Variants in MYZAP observed in about 807,000 individuals in gnomAD.
MYZAP encodes myocardial zonula adherens protein, also known as GRINL1A complex locus upstream.
Under a neutral mutation model 69.4 loss-of-function variants are expected in MYZAP, and 66 were observed. That is an observed-to-expected ratio of 0.95 (90% CI 0.78 to 1.17). MYZAP has a LOEUF of 1.17. Ranked by LOEUF, MYZAP falls within the 50% of genes most tolerant of loss-of-function variation. MYZAP has a pLI of 0.00. For synonymous variants in MYZAP, 256 were observed against 205.9 expected (o/e 1.24, Z -2.09); for missense variants, 611 against 556.2 (o/e 1.10, Z -0.99).
intron 3 of MYZAP, among the ~76,000 whole-genome samples, chr15:57,620,654 G>A (rs1225709610): frequency 2.0e-5 from 3 of 152,176 alleles, no homozygotes; most frequent in Admixed American, 6.5e-5. Context: ...GCGTGTTATT[G>A]GTGATTACTG....
At chr15:57,619,592 A>C (rs1406900933) in intron 3 of MYZAP, among the ~76,000 whole-genome samples, 1 of 152,126 alleles carries the variant, frequency 6.6e-6, no homozygotes, top group Non-Finnish European at 1.5e-5. Context: ...ACTTAAGTGA[A>C]CCTCCCACCT....
At chr15:57,680,198 C>T (rs1055830817) in intron 12 of MYZAP, among the ~76,000 whole-genome samples, 2 of 152,166 alleles carry the variant, frequency 1.3e-5, no homozygotes, top group Non-Finnish European at 2.9e-5. Context: ...ATATTGCAGT[C>T]ACTTCTGAGT....
chr15:57,608,187 G>A (rs1363860663), intron 2 of MYZAP, among the ~76,000 whole-genome samples: 1 of 152,170 alleles, frequency 6.6e-6, no homozygotes, highest in Non-Finnish European at 1.5e-5. Context: ...GGGCAGCCTG[G>A]GCCTTCCTTA....
intron 2 of MYZAP, among the ~76,000 whole-genome samples, chr15:57,616,830 T>TTTTTTTTTTTTTTTTTC (rs2035492642): frequency 8.0e-6 from 1 of 125,190 alleles, no homozygotes; most frequent in Non-Finnish European, 1.8e-5. Flanking sequence ...TGCTTTTTTT[T>TTTTTTTTTTTTTTTTTC]TTTTTTTTTT....
chr15:57,674,956 T>C lies in MYZAP; in HGVS notation c.1204-12T>C. On this transcript the variant is annotated splice_polypyrimidine_tract_variant and intron_variant, in intron 11 of 12. Transcript: ENST00000267853. The stretch of plus-strand genomic sequence containing the variant: ...TTGACTTACTGAAAGTACCTTTTTT[T>C]CTCATCTCCAGAATAATGAACTACA... 1 of 1,604,146 alleles carries C rather than the reference T, an allele frequency of 6.2e-7. No homozygotes were observed. Among genetic ancestry groups the C allele is most frequent in the Non-Finnish European group, 8.5e-7 (1 of 1,176,070 alleles).
intron 11 of MYZAP, among the ~76,000 whole-genome samples, chr15:57,664,042 A>C (rs577237581): frequency 6.9e-4 from 105 of 151,452 alleles, no homozygotes; most frequent in African/African-American, 2.4e-3. Flanking sequence ...CATGGGTTTT[A>C]ATTTATTTTG....
rs1190665784 is a variant in MYZAP at position 57,684,899 on chromosome 15, C to G, written c.*401C>G. On this transcript the variant is annotated 3_prime_UTR_variant, in exon 13 of 13. Transcript: ENST00000267853. ...TGATAGAGCATGAAGGTTTTGTTTA[C>G]CCATAAAAGTATTAGAGGCAGCGTT... 1 of 157,330 alleles carries G rather than the reference C, an allele frequency of 6.4e-6. No individual in the cohort carries two copies. Among genetic ancestry groups the G allele is most frequent in the African/African-American group, 2.4e-5 (1 of 41,472 alleles). 9.7% of individuals were successfully genotyped at this position (157,330 alleles called of 1,614,324 possible).
chr15:57,679,340 T>TTGTGTG (rs34683334), intron 12 of MYZAP, among the ~76,000 whole-genome samples: 2 of 125,510 alleles, frequency 1.6e-5, no homozygotes, highest in African/African-American at 2.9e-5. Flanking sequence ...TTTCACCTCT[T>TTGTGTG]TGTGTGTGTG....
At chr15:57,650,376 C>T (rs980920151) in intron 10 of MYZAP, among the ~76,000 whole-genome samples, 5 of 152,094 alleles carry the variant, frequency 3.3e-5, no homozygotes, top group African/African-American at 1.2e-4. Context: ...AGCATGAGTG[C>T]AAAAATGGAC....
chr15:57,627,337 C>T (rs985199316), intron 5 of MYZAP, among the ~76,000 whole-genome samples: 8 of 130,830 alleles, frequency 6.1e-5, no homozygotes, highest in South Asian at 2.5e-4. Context: ...TAGCTAAAAC[C>T]GCTGAGAGAA....
At chr15:57,618,956 G>A (rs2035643223) in intron 3 of MYZAP, among the ~76,000 whole-genome samples, 1 of 152,148 alleles carries the variant, frequency 6.6e-6, no homozygotes, top group Non-Finnish European at 1.5e-5. Flanking sequence ...GCAGTGTAGG[G>A]GCAGGGAGTC....
At chr15:57,682,282 C>T (rs2039484062) in intron 12 of MYZAP, among the ~76,000 whole-genome samples, 1 of 151,994 alleles carries the variant, frequency 6.6e-6, no homozygotes, top group South Asian at 2.1e-4. Flanking sequence ...ATGGGTTAAA[C>T]CTGGAAGTAG....
chr15:57,642,779 T>TAAATAATAAAATAAC (rs199777125), intron 10 of MYZAP, among the ~76,000 whole-genome samples: 11,019 of 152,082 alleles, frequency 0.072, 473 homozygotes, highest in Middle Eastern at 0.12. Context: ...ATAGTAATAA[T>TAAATAATAAAATAAC]AAATAATAAA....
intron 1 of MYZAP, among the ~76,000 whole-genome samples, chr15:57,601,922 A>G (rs968040541): frequency 5.3e-5 from 8 of 152,156 alleles, no homozygotes; most frequent in African/African-American, 7.2e-5. Context: ...GCAAAATGCA[A>G]TGCCTTGGAG....
intron 11 of MYZAP, among the ~76,000 whole-genome samples, chr15:57,671,336 G>C (rs1457114212): frequency 1.3e-5 from 2 of 151,946 alleles, no homozygotes; most frequent in Non-Finnish European, 2.9e-5. Context: ...CTTCATTTGT[G>C]GTTTTCAGAA....
intron 1 of MYZAP, among the ~76,000 whole-genome samples, chr15:57,593,185 G>GCCGCAT (rs2033800674): frequency 3.2e-5 from 1 of 31,676 alleles, no homozygotes; most frequent in African/African-American, 2.1e-4. Flanking sequence ...TGTGTACACA[G>GCCGCAT]GCGCACACAC....
At position 57,592,070 on chromosome 15, in the gene MYZAP, G is replaced by C; in HGVS notation, c.36G>C (p.Ser12=). The C allele has an allele frequency of 1.4e-6, 2 of 1,392,152 alleles. No individual in the cohort carries two copies. Among genetic ancestry groups the C allele is most frequent in the Non-Finnish European group, 1.9e-6 (2 of 1,076,522 alleles). 86.2% of individuals were successfully genotyped at this position (1,392,152 alleles called of 1,614,324 possible). A position where few individuals can be genotyped will look rare whatever the true frequency, so the allele number is the denominator to read the frequency against. ...LRSTSTVTLL[S]GGAARTPGAP... ...CCACGTCCACGGTCACCCTGCTCTC[G>C]GGCGGCGCCGCCAGGACGCCCGGGG... is the stretch of plus-strand genomic sequence containing the variant. Residue 12 remains serine (S), a synonymous_variant, in exon 1 of 13, where the codon TCG becomes TCC. Transcript: ENST00000267853.
intron 8 of MYZAP, among the ~76,000 whole-genome samples, chr15:57,634,982 G>A (rs2036730157): frequency 1.3e-5 from 2 of 152,154 alleles, no homozygotes; most frequent in South Asian, 2.1e-4. Context: ...AGTTAACTCA[G>A]ATGCTCTCTC....
chr15:57,601,290 G>GTGTGTGTA (rs1555455497), intron 1 of MYZAP, among the ~76,000 whole-genome samples: 3 of 151,696 alleles, frequency 2.0e-5, no homozygotes, highest in Admixed American at 2.0e-4. Context: ...GTGTGTGTGT[G>GTGTGTGTA]TGTGTGTGTG....
Sources: allele counts gnomAD v4.1 joint callset (sites outside exome capture counted in the v4.1 genomes callset), GRCh38; gene constraint gnomAD v4.1.1; transcripts MANE v1.5; gene names NCBI Gene and HGNC (gene_info 2026-07-23, HGNC 2026-07-21).